The following GFRA3 variants were observed in gnomAD, a reference collection of about 807,000 sequenced individuals.
GFRA3 encodes the protein GDNF family receptor alpha-3.
In GFRA3, 24 loss-of-function variants were observed where a neutral mutation model predicts 40.0. That is an observed-to-expected ratio of 0.60 (90% confidence interval 0.43 to 0.84). The LOEUF (loss-of-function observed/expected upper bound fraction) is 0.84, where lower values mean the gene tolerates loss of function less well. GFRA3 is among the 40% of genes least tolerant of loss of function. The probability of loss-of-function intolerance (pLI) is 0.00; values close to 1 mark genes in which losing one functional copy is unlikely to be tolerated. For missense variants in GFRA3, 405 were observed against 530.6 expected, an observed-to-expected ratio of 0.76 and a Z score of 2.33; for synonymous variants, 203 against 213.5, an observed-to-expected ratio of 0.95 and a Z score of 0.43.
Position 138,253,858 on chromosome 5 carries a change from C to G in GFRA3, c.932G>C (p.Ser311Thr). The G allele has an allele frequency of 6.2e-7, 1 of 1,614,050 alleles. No individual in the cohort carries two copies. The highest frequency in any genetic ancestry group is 1.1e-5 in the South Asian group (1 of 91,080). Residue 311 changes from serine to threonine, a missense_variant, in exon 6 of 8, where the codon AGT (serine) becomes ACT (threonine). Physicochemically the swap from Ser to Thr is moderately conservative, Grantham distance 58. Transcript: ENST00000274721. ...TCGGCAGGTGCAGCTTAAGGCAACA[C>G]TGGTGTTGACATTGCTGACAAAGTT... ...TPNFVSNVNT[S>T]VALSCTCRGS...
chr5:138,271,903 T>TGTGTGTG (rs1452490281), intron 1 of GFRA3, among the ~76,000 whole-genome samples: 334 of 94,954 alleles, frequency 3.5e-3, no homozygotes, highest in Admixed American at 7.0e-3. Flanking sequence ...TTTTTTTTTT[T>TGTGTGTG]TTTTTTTTTT....
Position 138,253,148 on chromosome 5 carries a change from TG to T in GFRA3, c.1114-92del. 3 of 863,294 alleles carry T rather than the reference TG, an allele frequency of 3.5e-6. No individual in the cohort carries two copies. The South Asian group carries it at 4.3e-5, about 12-fold the overall frequency. The allele number at this position is 863,294 out of a possible 1,614,324, so 53.5% of individuals were successfully genotyped here. A position where few individuals can be genotyped will look rare whatever the true frequency, so the allele number is the denominator to read the frequency against. On this transcript the variant is annotated intron_variant, in intron 7 of 7. Transcript: ENST00000274721. The stretch of plus-strand genomic sequence containing the variant: ...CAGTCAAGAGGTATTCCCCTTCCCC[TG>T]AGGTATCCATTAGAGGTCTCTAGTA...
intron 1 of GFRA3, chr5:138,267,596 G>A (rs1466452844): frequency 9.4e-6 from 2 of 212,570 alleles, no homozygotes; most frequent in Non-Finnish European, 2.0e-5. Flanking sequence ...GTCAGACAAA[G>A]CACATCCGTC....
Position 138,257,698 on chromosome 5 carries a change from CGGCAGCGCGCA to C in GFRA3, c.715_725del (p.Cys239AlafsTer87). ...GCTCCAGGCAGTTGGGGGCCACAGGCGGCAGCGCGCAGTTGGGGGCGATGGTGTTGCGCCGG... is the reference window on the plus strand; with the variant it reads ...GCTCCAGGCAGTTGGGGGCCACAGGCGTTGGGGGCGATGGTGTTGCGCCGG... On this transcript the variant is annotated frameshift_variant, in exon 4 of 8. Coordinates refer to ENST00000274721, the MANE Select transcript of GFRA3 (RefSeq NM_001496.4). LOFTEE classifies it high-confidence loss of function. 2 of 1,609,900 alleles carry C rather than the reference CGGCAGCGCGCA, an allele frequency of 1.2e-6. No homozygotes were observed. Among genetic ancestry groups the C allele is most frequent in the Non-Finnish European group, 1.7e-6 (2 of 1,179,046 alleles).
At chr5:138,271,913 T>TTTTTTTTTTTTTTGTG (rs59830655) in intron 1 of GFRA3, among the ~76,000 whole-genome samples, 1 of 54,328 alleles carries the variant, frequency 1.8e-5, no homozygotes, top group African/African-American at 7.0e-5. Flanking sequence ...TTTTTTTTTT[T>TTTTTTTTTTTTTTGTG]TGTGTGTGTG....
Position 138,274,528 on chromosome 5 carries a change from C to T in GFRA3, c.-104G>A, listed in dbSNP as rs1037832453. 16 of 1,235,926 alleles carry T rather than the reference C, an allele frequency of 1.3e-5. No homozygotes were observed. The highest frequency in any genetic ancestry group is 1.4e-5 in the Non-Finnish European group (14 of 989,782). 76.6% of individuals were successfully genotyped at this position (1,235,926 alleles called of 1,614,324 possible). On this transcript the variant is annotated 5_prime_UTR_variant, in exon 1 of 8. Coordinates refer to ENST00000274721, the MANE Select transcript of GFRA3 (RefSeq NM_001496.4). The stretch of plus-strand genomic sequence containing the variant: ...ACCTCCCGCCCCCGCCTCCCGCCCT[C>T]CAGCGCGACGCACACACTCTCCCAC...
intron 1 of GFRA3, among the ~76,000 whole-genome samples, chr5:138,271,907 T>TGTGTGGGTGTG (rs61112096): frequency 1.0e-5 from 1 of 98,588 alleles, no homozygotes; most frequent in South Asian, 4.4e-4. Flanking sequence ...TTTTTTTTTT[T>TGTGTGGGTGTG]TTTTTTTGTG....
At chr5:138,253,983 T>A in intron 5 of GFRA3, 74 bp downstream of exon 5, 1 of 1,571,638 alleles carries the variant, frequency 6.4e-7, no homozygotes, top group Non-Finnish European at 8.8e-7. Context: ...CAGGATCACA[T>A]CCTTTATCTC....
In GFRA3 at chr5:138,274,507, C is replaced by T; in HGVS notation, c.-83G>A. ...AGCGGGGCTCCCTCGACCGGCACCT[C>T]CCGCCCCCGCCTCCCGCCCTCCAGC... On this transcript the variant is annotated 5_prime_UTR_variant, in exon 1 of 8. Transcript: ENST00000274721. The T allele has an allele frequency of 2.5e-6, 3 of 1,214,310 alleles. No homozygotes were observed. Among genetic ancestry groups the T allele is most frequent in the South Asian group, 3.7e-5 (1 of 27,122 alleles). The allele number at this position is 1,214,310 out of a possible 1,614,324, so 75.2% of individuals were successfully genotyped here.
intron 3 of GFRA3, among the ~76,000 whole-genome samples, chr5:138,258,860 T>C (rs1238493857): frequency 6.6e-6 from 1 of 152,250 alleles, no homozygotes. Context: ...ATTAACAGAA[T>C]ATTCCAGCAG....
At position 138,274,567 on chromosome 5, in the gene GFRA3, G is replaced by A. The variant is rs1755924415; in HGVS notation, c.-143C>T. On this transcript the variant is annotated 5_prime_UTR_variant, in exon 1 of 8. Transcript: ENST00000274721. The stretch of plus-strand genomic sequence containing the variant: ...ACACTCTCCCACCAGGGTCCTGGGC[G>A]CCGCCCTCCAACTCCGAAGCGCGCG... The A allele has an allele frequency of 5.7e-6, 7 of 1,228,280 alleles. No homozygotes were observed. The highest frequency in any genetic ancestry group is 7.1e-6 in the Non-Finnish European group (7 of 986,012). 76.1% of individuals were successfully genotyped at this position (1,228,280 alleles called of 1,614,324 possible). A position where few individuals can be genotyped will look rare whatever the true frequency, so the allele number is the denominator to read the frequency against.
chr5:138,266,775 G>A (rs1265393751), intron 1 of GFRA3, among the ~76,000 whole-genome samples: 1 of 151,730 alleles, frequency 6.6e-6, no homozygotes, highest in African/African-American at 2.4e-5. Flanking sequence ...TCTGCCTCCT[G>A]GGCTCAAGCG....
chr5:138,270,320 C>T (rs1755850429), intron 1 of GFRA3, among the ~76,000 whole-genome samples: 1 of 148,990 alleles, frequency 6.7e-6, no homozygotes. Flanking sequence ...TGCAGTGAGC[C>T]GAGATCACGC....
chr5:138,254,969 GAGAGA>G (rs1229317198), intron 4 of GFRA3, among the ~76,000 whole-genome samples: 1 of 151,306 alleles, frequency 6.6e-6, no homozygotes, highest in Non-Finnish European at 1.5e-5. Flanking sequence ...AAGAGAGACA[GAGAGA>G]AGAGAAGGAG....
Position 138,254,073 on chromosome 5 carries a change from T to A in GFRA3, c.873A>T (p.Ala291=), listed in dbSNP as rs748058617. ...CATEQSRCLR[A]YLGLIGTAMT... ...CAGCCTCACCAATCAGCCCCAGGTA[T>A]GCTCGTAGACATCTGGACTGCTCTG... is the stretch of plus-strand genomic sequence containing the variant. Residue 291 remains alanine (A), a synonymous_variant, in exon 5 of 8, where the codon GCA becomes GCT. Coordinates refer to ENST00000274721, the MANE Select transcript of GFRA3 (RefSeq NM_001496.4). The A allele has an allele frequency of 1.9e-6, 3 of 1,610,866 alleles. No homozygotes were observed. The highest frequency in any genetic ancestry group is 2.2e-5 in the East Asian group (1 of 44,860).
chr5:138,253,935 T>C, intron 5 of GFRA3, 35 bp from the exon 6 acceptor site: 3 of 1,606,856 alleles, frequency 1.9e-6, no homozygotes, highest in Non-Finnish European at 2.6e-6. Flanking sequence ...AGGCCTAGGC[T>C]AACCCTAACT....
At position 138,252,877 on chromosome 5, in the gene GFRA3, C is replaced by T; in HGVS notation, c.*91G>A. On this transcript the variant is annotated 3_prime_UTR_variant, in exon 8 of 8. Coordinates refer to ENST00000274721, the MANE Select transcript of GFRA3 (RefSeq NM_001496.4). ...CTGTGCCCTCATCTGCGCACTGCACCTCCTTCCTGCTGCTGTCCTTTCCTC... is the reference window on the plus strand; with the variant it reads ...CTGTGCCCTCATCTGCGCACTGCACTTCCTTCCTGCTGCTGTCCTTTCCTC... 2 of 729,860 alleles carry T rather than the reference C, an allele frequency of 2.7e-6. No individual in the cohort carries two copies. The highest frequency in any genetic ancestry group is 2.5e-6 in the Non-Finnish European group (1 of 407,002). The allele number at this position is 729,860 out of a possible 1,614,324, so 45.2% of individuals were successfully genotyped here. A position where few individuals can be genotyped will look rare whatever the true frequency, so the allele number is the denominator to read the frequency against.
chr5:138,263,536 G>A (rs569785217), intron 2 of GFRA3, among the ~76,000 whole-genome samples: 70 of 152,270 alleles, frequency 4.6e-4, no homozygotes, highest in African/African-American at 1.5e-3. Flanking sequence ...GTAAGCAGAC[G>A]TAGTGTATAT....
intron 4 of GFRA3, among the ~76,000 whole-genome samples, chr5:138,254,730 C>T (rs1345343796): frequency 6.6e-6 from 1 of 152,072 alleles, no homozygotes; most frequent in Non-Finnish European, 1.5e-5. Context: ...CTTCTTTAAC[C>T]TCAGTTTCCT....
Sources: gnomAD v4.1 joint callset for allele counts (sites outside exome capture counted in the v4.1 genomes callset) on GRCh38, gnomAD v4.1.1 for gene constraint, MANE v1.5 for transcripts, NCBI Gene and HGNC (gene_info 2026-07-23, HGNC 2026-07-21) for gene names.